OR2T35: variants seen among roughly 807,000 people sequenced by gnomAD.
OR2T35 encodes olfactory receptor 2T35.
For missense variants in OR2T35, 47 were observed against 278.8 expected, an observed-to-expected ratio of 0.17 and a Z score of 5.92; for synonymous variants, 18 against 110.2, an observed-to-expected ratio of 0.16 and a Z score of 5.24.
chr1:248,644,483 C>T (rs1040972011), intron 1 of OR2T35, among the ~76,000 whole-genome samples: 3 of 123,944 alleles, frequency 2.4e-5, no homozygotes, highest in South Asian at 2.5e-4. Flanking sequence ...TCAAAAGGCT[C>T]GAAAATGGGA....
intron 1 of OR2T35, among the ~76,000 whole-genome samples, chr1:248,642,155 CCTCA>C (rs1660791488): frequency 1.1e-5 from 1 of 89,054 alleles, no homozygotes; most frequent in Non-Finnish European, 3.2e-5. Flanking sequence ...CTCATCTTTC[CCTCA>C]CTATCATCAT....
intron 1 of OR2T35, among the ~76,000 whole-genome samples, chr1:248,642,234 AAGAAAAAGAAAAAG>A (rs1660796250): frequency 3.3e-5 from 2 of 61,140 alleles, no homozygotes; most frequent in African/African-American, 6.1e-5. Context: ...AAAAAAAAAA[AAGAAAAAGAAAAAG>A]AAAAAGCTTT....
rs141034803 is a variant in OR2T35 at position 248,638,610 on chromosome 1, A to G, written c.649T>C (p.Ser217Pro). 1.6e-5 allele frequency: 25 copies of G among 1,562,346 alleles called. 4 individuals are homozygous for G. In the African/African-American group the frequency reaches 3.8e-4, roughly 23 times the overall value. Residue 217 changes from serine to proline, a missense_variant, in exon 2 of 2, where the codon TCC (serine) becomes CCC (proline). Ser to Pro is a moderately conservative substitution (Grantham distance 74, BLOSUM62 -1). Transcript: ENST00000641268. ...ACAGTCAGGAGGATGTGCGTGTAGG[A>G]CACAGAGATGACAGATAGAGGGATA... ...LLIPLSVISVSYTHILLTVHR... is the reference protein window; with the variant it reads ...LLIPLSVISVPYTHILLTVHR...
At chr1:248,641,697 TAAAAA>T (rs3033658) in intron 1 of OR2T35, among the ~76,000 whole-genome samples, 1 of 58,834 alleles carries the variant, frequency 1.7e-5, no homozygotes, top group African/African-American at 3.7e-5. Flanking sequence ...GAGACCGTGT[TAAAAA>T]AAAAAAAAAA....
Position 248,638,203 on chromosome 1 carries a change from A to C in OR2T35, c.*84T>G. 1 of 833,762 alleles carries C rather than the reference A, an allele frequency of 1.2e-6. No individual in the cohort carries two copies. The highest frequency in any genetic ancestry group is 2.8e-5 in the East Asian group (1 of 35,348). 51.6% of individuals were successfully genotyped at this position (833,762 alleles called of 1,614,324 possible). A position where few individuals can be genotyped will look rare whatever the true frequency, so the allele number is the denominator to read the frequency against. On this transcript the variant is annotated 3_prime_UTR_variant, in exon 2 of 2. Coordinates refer to ENST00000641268, the MANE Select transcript of OR2T35 (RefSeq NM_001001827.2). ...CACTAGTCCCTGCTAGTCCTTCCTG[A>C]TCAGTCACCACCCCTGATGCTCTGG...
At position 248,638,130 on chromosome 1, in the gene OR2T35, T is replaced by C. The variant is rs1368870491; in HGVS notation, c.*157A>G. The C allele has an allele frequency of 3.7e-5, 15 of 403,730 alleles. 1 individual carries two copies. In the East Asian group the frequency reaches 5.2e-4, roughly 14 times the overall value. 25.0% of individuals were successfully genotyped at this position (403,730 alleles called of 1,614,324 possible). On this transcript the variant is annotated 3_prime_UTR_variant, in exon 2 of 2. Coordinates refer to ENST00000641268, the MANE Select transcript of OR2T35 (RefSeq NM_001001827.2). ...TGAACATTCTTCAGAACCAATACCA[T>C]ATTTTCTGTAATAGCTGCGTTATTG...
At chr1:248,644,137 TTC>T (rs3033629) in intron 1 of OR2T35, among the ~76,000 whole-genome samples, 56,387 of 90,434 alleles carry the variant, frequency 0.62, 13,365 homozygotes, top group Middle Eastern at 0.72. Flanking sequence ...TTTGAGATTT[TTC>T]ATTTAATATT....
Position 248,638,229 on chromosome 1 carries a change from G to A in OR2T35, c.*58C>T. Reference sequence around the variant, plus strand: ...TCAGTCACCACCCCTGATGCTCTGGGAGTCCCCGCTAATCCTTCCCGATCA... The same window carrying A: ...TCAGTCACCACCCCTGATGCTCTGGAAGTCCCCGCTAATCCTTCCCGATCA... On this transcript the variant is annotated 3_prime_UTR_variant, in exon 2 of 2. Transcript: ENST00000641268. 4 of 961,974 alleles carry A rather than the reference G, an allele frequency of 4.2e-6. No individual in the cohort carries two copies. The highest frequency in any genetic ancestry group is 4.8e-5 in the East Asian group (2 of 41,414). The allele number at this position is 961,974 out of a possible 1,614,324, so 59.6% of individuals were successfully genotyped here.
intron 1 of OR2T35, 130 bp from the exon 2 acceptor site, chr1:248,639,410 G>A (rs1660762680): frequency 3.1e-6 from 2 of 637,296 alleles, no homozygotes; most frequent in African/African-American, 3.6e-5. Context: ...TGAAATCCTG[G>A]GTTTCAGTAT....
In OR2T35 at chr1:248,638,261, C is replaced by CCA. The variant is rs1465404773; in HGVS notation, c.*24_*25dup. The stretch of plus-strand genomic sequence containing the variant: ...CGCTAATCCTTCCCGATCACAGTCA[C>CCA]CACTCTGATACTCTGGGAGTCCCTG... On this transcript the variant is annotated 3_prime_UTR_variant, in exon 2 of 2. Transcript: ENST00000641268. The CCA allele has an allele frequency of 1.3e-5, 14 of 1,072,924 alleles. No homozygotes were observed. In the East Asian group the frequency reaches 3.3e-4, roughly 25 times the overall value. 66.5% of individuals were successfully genotyped at this position (1,072,924 alleles called of 1,614,324 possible). A position where few individuals can be genotyped will look rare whatever the true frequency, so the allele number is the denominator to read the frequency against.
chr1:248,639,507 C>T (rs552772855), intron 1 of OR2T35, among the ~76,000 whole-genome samples: 1 of 151,110 alleles, frequency 6.6e-6, no homozygotes, highest in South Asian at 2.1e-4. Context: ...CTGTACTCTA[C>T]AGGCTGGATG....
chr1:248,638,250 G>A lies in OR2T35; in HGVS notation c.*37C>T, dbSNP rs1173495426. ...CTGGGAGTCCCCGCTAATCCTTCCC[G>A]ATCACAGTCACCACTCTGATACTCT... On this transcript the variant is annotated 3_prime_UTR_variant, in exon 2 of 2. Transcript: ENST00000641268. 8 of 1,017,394 alleles carry A rather than the reference G, an allele frequency of 7.9e-6. 1 individual carries two copies. The East Asian group carries it at 1.2e-4, about 16-fold the overall frequency. The allele number at this position is 1,017,394 out of a possible 1,614,324, so 63.0% of individuals were successfully genotyped here. A position where few individuals can be genotyped will look rare whatever the true frequency, so the allele number is the denominator to read the frequency against.
At chr1:248,641,697 T>A (rs1192491001) in intron 1 of OR2T35, among the ~76,000 whole-genome samples, 2 of 58,856 alleles carry the variant, frequency 3.4e-5, no homozygotes, top group African/African-American at 7.3e-5. Context: ...GAGACCGTGT[T>A]AAAAAAAAAA....
intron 1 of OR2T35, among the ~76,000 whole-genome samples, chr1:248,639,596 T>C (rs982435863): frequency 2.8e-4 from 24 of 84,358 alleles, no homozygotes; most frequent in Non-Finnish European, 5.0e-4. Flanking sequence ...ATACATTTCA[T>C]AATCTTATCA....
chr1:248,642,225 A>AG (rs1660794230), intron 1 of OR2T35, among the ~76,000 whole-genome samples: 1 of 71,920 alleles, frequency 1.4e-5, no homozygotes, highest in Non-Finnish European at 3.9e-5. Context: ...CCAAAAAAAA[A>AG]AAAAAAAAAA....
rs574850571 is a variant in OR2T35, at chr1:248,642,035, A to G, written c.-22-2755T>C. Among the ~76,000 whole-genome samples, 518 of 62,306 alleles carry G rather than the reference A, an allele frequency of 8.3e-3. 4 individuals are homozygous for G. Among genetic ancestry groups the G allele is most frequent in the African/African-American group, 0.016 (486 of 30,000 alleles). 40.9% of individuals were successfully genotyped at this position (62,306 alleles called of 152,430 possible). On this transcript the variant is annotated intron_variant, in intron 1 of 1. Transcript: ENST00000641268. ...CATGTCATCAGTTACTTCTGTTTAC[A>G]TCGGTTCCGAGCATCTACATTTTAA... is the stretch of plus-strand genomic sequence containing the variant.
At chr1:248,639,364 T>C (rs906604424) in intron 1 of OR2T35, 84 bp from the exon 2 acceptor site, 5 of 541,838 alleles carry the variant, frequency 9.2e-6, no homozygotes, top group Non-Finnish European at 1.4e-5. Flanking sequence ...AGAAGCAGCG[T>C]GAGATCAAGA....
chr1:248,644,777 T>TG (rs1660835493), intron 1 of OR2T35, among the ~76,000 whole-genome samples: 1 of 140,312 alleles, frequency 7.1e-6, no homozygotes, highest in Non-Finnish European at 1.6e-5. Context: ...CAGTGGGCTT[T>TG]GGCCAGGAAC....
intron 1 of OR2T35, among the ~76,000 whole-genome samples, chr1:248,642,216 C>CAAA (rs61189391): frequency 0.041 from 2,167 of 53,216 alleles, 40 homozygotes; most frequent in South Asian, 0.09. Context: ...CTAGTCTTTC[C>CAAA]AAAAAAAAAA....
Sources: gnomAD v4.1 joint callset for allele counts (sites outside exome capture counted in the v4.1 genomes callset) on GRCh38, gnomAD v4.1.1 for gene constraint, MANE v1.5 for transcripts, NCBI Gene and HGNC (gene_info 2026-07-23, HGNC 2026-07-21) for gene names.